TMC1: variants seen among roughly 807,000 people sequenced by gnomAD.
TMC1 encodes transmembrane channel like 1.
Under a neutral mutation model 105.8 loss-of-function variants are expected in TMC1, and 84 were observed. The ratio of observed to expected loss-of-function variants is 0.79; its 90% CI spans 0.67 to 0.95. The LOEUF (loss-of-function observed/expected upper bound fraction) is 0.95, where lower values mean the gene tolerates loss of function less well. Among genes scored for constraint, TMC1 ranks in the 40% least tolerant of loss-of-function variants. TMC1 has a pLI of 0.00. For missense variants in TMC1, 817 were observed against 914.1 expected (o/e 0.89, Z 1.37); for synonymous variants, 315 against 311.5 (o/e 1.01, Z -0.12).
rs982796005 is a variant in TMC1, at chr9:72,767,784, C to A, written c.742-4629C>A. 2.0e-5 allele frequency among the ~76,000 whole-genome samples: 3 copies of A among 152,232 alleles called. No homozygotes were observed. In the East Asian group the frequency reaches 5.8e-4, roughly 29 times the overall value. Reference sequence around the variant, plus strand: ...ACAGATTTTGGGGTGGGAGAGTGCTCCCATGGGGAAAGCAGCACGTGCTGA... The same window carrying A: ...ACAGATTTTGGGGTGGGAGAGTGCTACCATGGGGAAAGCAGCACGTGCTGA... On this transcript the variant is annotated intron_variant, in intron 12 of 23. Transcript: ENST00000297784.
intron 4 of TMC1, among the ~76,000 whole-genome samples, chr9:72,641,730 T>C (rs1329540184): frequency 6.6e-6 from 1 of 151,870 alleles, no homozygotes; most frequent in East Asian, 1.9e-4. Context: ...ACAACAATTA[T>C]GGACAACTTA....
intron 4 of TMC1, among the ~76,000 whole-genome samples, chr9:72,634,777 C>T: frequency 6.6e-6 from 1 of 152,148 alleles, no homozygotes; most frequent in East Asian, 1.9e-4. Context: ...GTTCACGGAA[C>T]TCAGAAAAAC....
intron 2 of TMC1, among the ~76,000 whole-genome samples, chr9:72,600,265 AC>A (rs1262012694): frequency 6.6e-6 from 1 of 152,212 alleles, no homozygotes; most frequent in Non-Finnish European, 1.5e-5. Context: ...GAGCTTACTG[AC>A]TATACTCAAG....
chr9:72,613,257 G>A (rs1392675814), intron 2 of TMC1, among the ~76,000 whole-genome samples: 2 of 151,450 alleles, frequency 1.3e-5, no homozygotes, highest in African/African-American at 4.9e-5. Context: ...TCAGCCTCCT[G>A]AGTAGCTGGG....
chr9:72,668,757 G>A (rs2132166945), intron 5 of TMC1, among the ~76,000 whole-genome samples: 1 of 152,218 alleles, frequency 6.6e-6, no homozygotes, highest in African/African-American at 2.4e-5. Flanking sequence ...TTAAAATAAT[G>A]TTTACTAAAT....
chr9:72,719,461 T>C (rs1181658646), intron 8 of TMC1, among the ~76,000 whole-genome samples: 2 of 152,190 alleles, frequency 1.3e-5, no homozygotes, highest in African/African-American at 4.8e-5. Flanking sequence ...GACCTTTAGG[T>C]TCCCCAGTGA....
intron 1 of TMC1, among the ~76,000 whole-genome samples, chr9:72,529,755 T>C (rs1168807301): frequency 6.6e-6 from 1 of 152,174 alleles, no homozygotes; most frequent in East Asian, 1.9e-4. Context: ...ATCAAATGTT[T>C]ATCCTTTGAG....
At chr9:72,798,748 C>A (rs189283341) in intron 17 of TMC1, among the ~76,000 whole-genome samples, 3 of 151,940 alleles carry the variant, frequency 2.0e-5, no homozygotes, top group Admixed American at 6.6e-5. Flanking sequence ...GGTTTAATAC[C>A]TGGGTGATAA....
intron 1 of TMC1, among the ~76,000 whole-genome samples, chr9:72,539,648 C>T (rs984414558): frequency 6.6e-6 from 1 of 152,166 alleles, no homozygotes; most frequent in Non-Finnish European, 1.5e-5. Flanking sequence ...CTTAACTAAT[C>T]TCTAAGAAGT....
chr9:72,584,214 G>A (rs1243989665), intron 2 of TMC1, among the ~76,000 whole-genome samples: 1 of 151,666 alleles, frequency 6.6e-6, no homozygotes, highest in Non-Finnish European at 1.5e-5. Context: ...AAACAATGGA[G>A]AGAAGATCAT....
intron 1 of TMC1, among the ~76,000 whole-genome samples, chr9:72,538,499 C>G (rs764167324): frequency 6.6e-6 from 1 of 151,834 alleles, no homozygotes; most frequent in African/African-American, 2.4e-5. Context: ...TGCAGTGGCA[C>G]GATCTCGGCT....
intron 17 of TMC1, among the ~76,000 whole-genome samples, chr9:72,800,748 C>T (rs186595524): frequency 1.2e-4 from 17 of 139,308 alleles, no homozygotes; most frequent in African/African-American, 4.0e-4. Context: ...CTTCCTTTCT[C>T]CAAGGAAGCA....
At chr9:72,708,065 G>C (rs1299011392) in intron 8 of TMC1, among the ~76,000 whole-genome samples, 1 of 152,178 alleles carries the variant, frequency 6.6e-6, no homozygotes, top group East Asian at 1.9e-4. Flanking sequence ...TCAAAGATCA[G>C]TTGGCTGTAA....
At chr9:72,530,617 T>G (rs1349613632) in intron 1 of TMC1, among the ~76,000 whole-genome samples, 2 of 152,068 alleles carry the variant, frequency 1.3e-5, no homozygotes, top group African/African-American at 4.8e-5. Flanking sequence ...TCAAGGTATT[T>G]TCTGTGCTTC....
intron 5 of TMC1, among the ~76,000 whole-genome samples, chr9:72,650,323 T>C (rs11143362): frequency 0.24 from 36,640 of 152,036 alleles, 4,752 homozygotes; most frequent in East Asian, 0.38. Context: ...CCTGGTGTGG[T>C]TTGCATAATG....
chr9:72,836,084 A>T lies in TMC1; in HGVS notation c.*111A>T. ...TGTGGAACTGCTATTTTCCTGTTCT[A>T]CCCTTGATGGATTTTCAAGGTCATG... On this transcript the variant is annotated 3_prime_UTR_variant, in exon 24 of 24. Transcript: ENST00000297784. 1 of 1,261,148 alleles carries T rather than the reference A, an allele frequency of 7.9e-7. No homozygotes were observed. 78.1% of individuals were successfully genotyped at this position (1,261,148 alleles called of 1,614,324 possible).
At chr9:72,756,338 A>T (rs945631070) in intron 12 of TMC1, among the ~76,000 whole-genome samples, 3 of 152,198 alleles carry the variant, frequency 2.0e-5, no homozygotes, top group African/African-American at 7.2e-5. Context: ...AGGAAAAAAG[A>T]TCCTGGGGAA....
intron 17 of TMC1, among the ~76,000 whole-genome samples, chr9:72,802,910 A>G (rs1005178314): frequency 1.4e-4 from 21 of 152,232 alleles, no homozygotes; most frequent in Non-Finnish European, 2.4e-4. Flanking sequence ...ACCAAAAAAG[A>G]GTCCTTATAA....
chr9:72,624,716 T>C (rs776426312), intron 3 of TMC1, among the ~76,000 whole-genome samples: 12 of 152,216 alleles, frequency 7.9e-5, no homozygotes, highest in Non-Finnish European at 1.6e-4. Context: ...TGTTTGTAGG[T>C]AGCAGTTGTG....
Sources: gnomAD v4.1 joint callset for allele counts (sites outside exome capture counted in the v4.1 genomes callset) on GRCh38, gnomAD v4.1.1 for gene constraint, MANE v1.5 for transcripts, NCBI Gene and HGNC (gene_info 2026-07-23, HGNC 2026-07-21) for gene names.